GRM8: variants seen among roughly 807,000 people sequenced by gnomAD.
The protein encoded by GRM8 is glutamate metabotropic receptor 8, also known as metabotropic glutamate receptor 8.
Under a neutral mutation model 87.2 loss-of-function variants are expected in GRM8, and 47 were observed. That is an observed-to-expected ratio of 0.54 (90% CI 0.43 to 0.69). GRM8 has a LOEUF of 0.69. Ranked by LOEUF, GRM8 falls within the 30% of genes least tolerant of loss-of-function variation. The pLI is 0.00. For synonymous variants in GRM8, 396 were observed against 404.5 expected, an observed-to-expected ratio of 0.98 and a Z score of 0.25; for missense variants, 1,019 against 1,139.2, an observed-to-expected ratio of 0.89 and a Z score of 1.52.
chr7:126,613,795 G>A (rs1032658929), intron 7 of GRM8, among the ~76,000 whole-genome samples: 11 of 152,210 alleles, frequency 7.2e-5, no homozygotes, highest in African/African-American at 9.6e-5. Flanking sequence ...ACAGCAGACT[G>A]AGATCCAACT....
intron 3 of GRM8, among the ~76,000 whole-genome samples, chr7:127,002,435 C>T (rs1241310920): frequency 1.3e-5 from 2 of 151,628 alleles, no homozygotes; most frequent in Non-Finnish European, 3.0e-5. Context: ...GTCTTTTCTA[C>T]TGCAATGTAC....
intron 8 of GRM8, among the ~76,000 whole-genome samples, chr7:126,608,190 T>C (rs1798557582): frequency 7.0e-6 from 1 of 143,700 alleles, no homozygotes; most frequent in Non-Finnish European, 1.5e-5. Context: ...CCCTTATCCA[T>C]CAAGTTCAGA....
chr7:127,237,338 C>A (rs1434774079), intron 2 of GRM8, among the ~76,000 whole-genome samples: 3 of 152,282 alleles, frequency 2.0e-5, no homozygotes, highest in South Asian at 4.1e-4. Context: ...ACTGACTGCA[C>A]TCATTTATGA....
intron 7 of GRM8, among the ~76,000 whole-genome samples, chr7:126,628,447 C>T (rs1409433960): frequency 6.6e-6 from 1 of 152,092 alleles, no homozygotes; most frequent in African/African-American, 2.4e-5. Context: ...TAAATGCCCA[C>T]AGGATAGTGA....
chr7:126,487,927 A>G (rs1807564405), intron 9 of GRM8, among the ~76,000 whole-genome samples: 2 of 152,036 alleles, frequency 1.3e-5, no homozygotes, highest in African/African-American at 4.8e-5. Flanking sequence ...AATATCCACC[A>G]TATGTCCAAG....
intron 6 of GRM8, among the ~76,000 whole-genome samples, chr7:126,822,207 T>C (rs893558488): frequency 5.9e-5 from 9 of 152,304 alleles, no homozygotes; most frequent in African/African-American, 1.9e-4. Context: ...TACTGTTCAC[T>C]GGCCTCAGTC....
At chr7:126,638,790 C>G (rs1380614547) in intron 7 of GRM8, among the ~76,000 whole-genome samples, 2 of 152,182 alleles carry the variant, frequency 1.3e-5, no homozygotes, top group East Asian at 3.9e-4. Flanking sequence ...AGTCTAGACA[C>G]CCTGGAGCCA....
At chr7:126,974,035 A>C (rs1392890126) in intron 3 of GRM8, among the ~76,000 whole-genome samples, 1 of 152,242 alleles carries the variant, frequency 6.6e-6, no homozygotes, top group Non-Finnish European at 1.5e-5. Context: ...AGATAGTGGC[A>C]ACACTGCCTT....
intron 7 of GRM8, among the ~76,000 whole-genome samples, chr7:126,733,540 T>G (rs1222096924): frequency 2.0e-5 from 3 of 151,042 alleles, no homozygotes; most frequent in African/African-American, 7.3e-5. Context: ...AATAAAATAC[T>G]AAATATTAAG....
At chr7:126,617,176 C>T (rs547725044) in intron 7 of GRM8, among the ~76,000 whole-genome samples, 1 of 152,276 alleles carries the variant, frequency 6.6e-6, no homozygotes, top group Non-Finnish European at 1.5e-5. Flanking sequence ...AGTTTATCCA[C>T]CATGATCAAG....
At chr7:126,626,628 A>G (rs1049063174) in intron 7 of GRM8, among the ~76,000 whole-genome samples, 4 of 152,292 alleles carry the variant, frequency 2.6e-5, no homozygotes, top group South Asian at 2.1e-4. Flanking sequence ...ATAAATTACT[A>G]AAGTTTTATA....
At chr7:126,523,925 A>G (rs1813424325) in intron 9 of GRM8, among the ~76,000 whole-genome samples, 1 of 152,236 alleles carries the variant, frequency 6.6e-6, no homozygotes, top group African/African-American at 2.4e-5. Flanking sequence ...TAGTAGATAA[A>G]TTAATACTTC....
At chr7:127,067,984 CTG>C (rs1328935939) in intron 3 of GRM8, among the ~76,000 whole-genome samples, 22 of 152,318 alleles carry the variant, frequency 1.4e-4, no homozygotes, top group Admixed American at 1.4e-3. Flanking sequence ...ATTTAGGTAA[CTG>C]TGCCAAATCC....
At chr7:126,827,532 T>C (rs1794938264) in intron 6 of GRM8, among the ~76,000 whole-genome samples, 1 of 152,224 alleles carries the variant, frequency 6.6e-6, no homozygotes, top group African/African-American at 2.4e-5. Flanking sequence ...TATTGGTGTA[T>C]AAGAATGCTT....
At chr7:126,502,881 A>G (rs1413430791) in intron 9 of GRM8, among the ~76,000 whole-genome samples, 1 of 151,996 alleles carries the variant, frequency 6.6e-6, no homozygotes, top group Non-Finnish European at 1.5e-5. Context: ...TTCTGTTTCT[A>G]TGGGAACAGT....
At chr7:126,550,407 C>T (rs552458849) in intron 8 of GRM8, among the ~76,000 whole-genome samples, 90 of 151,990 alleles carry the variant, frequency 5.9e-4, no homozygotes, top group East Asian at 1.2e-3. Context: ...CCACCGCACC[C>T]GGCCGAAAAA....
intron 2 of GRM8, among the ~76,000 whole-genome samples, chr7:127,119,500 T>TCACA (rs113386366): frequency 5.0e-5 from 7 of 138,734 alleles, no homozygotes; most frequent in African/African-American, 1.8e-4. Context: ...TCTCTCTCTC[T>TCACA]CACACACACA....
At chr7:126,871,364 A>C (rs1799080096) in intron 6 of GRM8, among the ~76,000 whole-genome samples, 1 of 152,242 alleles carries the variant, frequency 6.6e-6, no homozygotes, top group Admixed American at 6.5e-5. Context: ...TGAAATACTG[A>C]GTCTTTATAG....
At chr7:126,791,353 A>G (rs1049316426) in intron 6 of GRM8, among the ~76,000 whole-genome samples, 2 of 152,180 alleles carry the variant, frequency 1.3e-5, no homozygotes, top group African/African-American at 4.8e-5. Context: ...CAGAGTTACT[A>G]TAATCTTTCT....
Sources: allele counts gnomAD v4.1 joint callset (sites outside exome capture counted in the v4.1 genomes callset), GRCh38; gene constraint gnomAD v4.1.1; transcripts MANE v1.5; gene names NCBI Gene and HGNC (gene_info 2026-07-23, HGNC 2026-07-21).